HOMER2: variants seen among roughly 807,000 people sequenced by gnomAD.
HOMER2 encodes homer protein homolog 2.
A neutral mutation model predicts 47.0 loss-of-function variants in HOMER2; 27 were observed. That is an observed-to-expected ratio of 0.57 (90% confidence interval 0.42 to 0.79). The LOEUF is 0.79. Among genes scored for constraint, HOMER2 ranks in the 30% least tolerant of loss-of-function variants. The pLI is 0.00. For synonymous variants in HOMER2, 161 were observed against 163.8 expected, an observed-to-expected ratio of 0.98 and a Z score of 0.13; for missense variants, 443 against 435.0, an observed-to-expected ratio of 1.02 and a Z score of -0.16.
chr15:82,945,692 C>T (rs769083335), intron 1 of HOMER2, among the ~76,000 whole-genome samples: 9 of 151,800 alleles, frequency 5.9e-5, no homozygotes, highest in Non-Finnish European at 8.8e-5. Flanking sequence ...GGTAGATGGC[C>T]GGGCGCGGTG....
At chr15:82,955,464 C>T (rs868497366), upstream of HOMER2, among the ~76,000 whole-genome samples, 1 of 152,176 alleles carries the variant, frequency 6.6e-6, no homozygotes, top group East Asian at 1.9e-4. Context: ...CCACCATGCC[C>T]GGCCTGTATT....
At chr15:82,940,152 G>A (rs1293221914) in intron 1 of HOMER2, among the ~76,000 whole-genome samples, 2 of 151,858 alleles carry the variant, frequency 1.3e-5, no homozygotes, top group East Asian at 3.9e-4. Context: ...CACCAACATG[G>A]CACATGTATA....
At chr15:82,926,063 AC>A (rs1477050244) in intron 1 of HOMER2, 1 of 152,268 alleles carries the variant, frequency 6.6e-6, no homozygotes, top group East Asian at 1.9e-4. Context: ...ACCTTTCATT[AC>A]CAGTAAGTCC....
chr15:82,878,588 C>T (rs1034369077), intron 2 of HOMER2, among the ~76,000 whole-genome samples: 2 of 152,178 alleles, frequency 1.3e-5, no homozygotes, highest in African/African-American at 4.8e-5. Context: ...TATTCTCTCT[C>T]CTTGCTTCTA....
chr15:82,963,785 A>C (rs1219983643), intron 1 of HOMER2, among the ~76,000 whole-genome samples: 1 of 152,142 alleles, frequency 6.6e-6, no homozygotes, highest in Non-Finnish European at 1.5e-5. Context: ...AGCTCCTCAG[A>C]CCACTGGCTG....
At chr15:82,968,297 C>T (rs183142561) in intron 1 of HOMER2, among the ~76,000 whole-genome samples, 1 of 152,210 alleles carries the variant, frequency 6.6e-6, no homozygotes, top group Non-Finnish European at 1.5e-5. Context: ...AAGGAAACCT[C>T]AAACCCAGTT....
rs906018537 is a variant in HOMER2 at position 82,945,798 on chromosome 15, A to G, written c.5+6733T>C. ...ATCCTGGCTAACAAGGTGAAATCCC[A>G]TCTCTACTAAAAATACAAAAAATTA... On this transcript the variant is annotated intron_variant, in intron 1 of 8. Transcript: ENST00000450735. Among the ~76,000 whole-genome samples, 20 of 152,178 alleles carry G rather than the reference A, an allele frequency of 1.3e-4. No homozygotes were observed. The East Asian group carries it at 1.5e-3, about 12-fold the overall frequency.
intron 1 of HOMER2, among the ~76,000 whole-genome samples, chr15:82,964,706 C>T (rs1365104738): frequency 2.0e-5 from 3 of 152,170 alleles, no homozygotes; most frequent in East Asian, 3.9e-4. Context: ...GCAGAGGTTG[C>T]ACCACTGGAG....
At chr15:82,958,964 G>A (rs971781286) in exon 2 of HOMER2, 1 of 152,338 alleles carries the variant, frequency 6.6e-6, no homozygotes, top group East Asian at 1.9e-4. Flanking sequence ...CACACTCATT[G>A]TCACCCTTAC....
chr15:82,844,817 G>A (rs1052928897), downstream of HOMER2: 2 of 152,198 alleles, frequency 1.3e-5, no homozygotes, highest in African/African-American at 4.8e-5. Context: ...ATAAGACGCT[G>A]CTCTCACAAC....
At chr15:82,840,051 A>G (rs1464374255) in exon 2 of HOMER2, 1 of 152,088 alleles carries the variant, frequency 6.6e-6, no homozygotes, top group Admixed American at 6.5e-5. Context: ...AGTAAAAAAT[A>G]AAGTCAAATC....
chr15:82,957,861 G>A (rs1006424990), downstream of HOMER2, among the ~76,000 whole-genome samples: 4 of 151,982 alleles, frequency 2.6e-5, no homozygotes, highest in Non-Finnish European at 4.4e-5. Flanking sequence ...TATTTAAGAC[G>A]GAGTCTCACA....
chr15:82,928,484 C>A (rs756777924), intron 1 of HOMER2, among the ~76,000 whole-genome samples: 33 of 152,042 alleles, frequency 2.2e-4, no homozygotes, highest in African/African-American at 8.0e-4. Flanking sequence ...GGTTAGAAAA[C>A]AAAAGCAAAT....
At chr15:82,930,021 G>T (rs578237291) in intron 1 of HOMER2, among the ~76,000 whole-genome samples, 1 of 152,284 alleles carries the variant, frequency 6.6e-6, no homozygotes, top group African/African-American at 2.4e-5. Context: ...GAGCCACCAC[G>T]CCCGGCCTAA....
chr15:82,971,758 G>A (rs2029995971), intron 1 of HOMER2, among the ~76,000 whole-genome samples: 1 of 151,060 alleles, frequency 6.6e-6, no homozygotes, highest in Non-Finnish European at 1.5e-5. Flanking sequence ...TGCAAGGACA[G>A]AACAGAACTG....
rs1365789919 is a variant in HOMER2 at position 82,929,748 on chromosome 15, G to C, written c.5+22783C>G. Among the ~76,000 whole-genome samples the C allele has an allele frequency of 2.9e-5, 4 of 137,272 alleles. No homozygotes were observed. The Admixed American group carries it at 3.0e-4, about 10-fold the overall frequency. The allele number at this position is 137,272 out of a possible 152,430, so 90.1% of individuals were successfully genotyped here. The stretch of plus-strand genomic sequence containing the variant: ...AACACAGTTTTGTTGTTTTTTTTTT[G>C]AGACGGAGTTTCGCTCTTGTTGCCC... On this transcript the variant is annotated intron_variant, in intron 1 of 8. Transcript: ENST00000450735.
At chr15:82,898,754 C>T (rs2053018966) in intron 1 of HOMER2, among the ~76,000 whole-genome samples, 1 of 152,242 alleles carries the variant, frequency 6.6e-6, no homozygotes, top group Admixed American at 6.5e-5. Flanking sequence ...ATTAGCACGA[C>T]TACTTTTGCA....
intron 1 of HOMER2, among the ~76,000 whole-genome samples, chr15:82,895,021 A>G (rs2052861194): frequency 6.6e-6 from 1 of 152,252 alleles, no homozygotes; most frequent in Non-Finnish European, 1.5e-5. Context: ...GAGTAACACC[A>G]GCAGCATCAA....
intron 1 of HOMER2, among the ~76,000 whole-genome samples, chr15:82,908,747 T>TAA (rs145654945): frequency 4.7e-5 from 7 of 148,588 alleles, no homozygotes; most frequent in African/African-American, 1.7e-4. Context: ...GCTTTTTTTT[T>TAA]AAAAAAAAAA....
Sources: gnomAD v4.1 joint callset for allele counts (sites outside exome capture counted in the v4.1 genomes callset) on GRCh38, gnomAD v4.1.1 for gene constraint, MANE v1.5 for transcripts, NCBI Gene and HGNC (gene_info 2026-07-23, HGNC 2026-07-21) for gene names.